The following CACNA2D3 variants were observed in gnomAD, a reference collection of about 807,000 sequenced individuals.
CACNA2D3 encodes calcium voltage-gated channel auxiliary subunit alpha2delta 3.
A neutral mutation model predicts 160.6 loss-of-function variants in CACNA2D3; 60 were observed. The ratio of observed to expected loss-of-function variants is 0.37; its 90% CI spans 0.30 to 0.46. The LOEUF is 0.46. CACNA2D3 is among the 20% of genes least tolerant of loss of function. CACNA2D3 has a pLI of 1.00. For synonymous variants in CACNA2D3, 558 were observed against 492.9 expected, an observed-to-expected ratio of 1.13 and a Z score of -1.75; for missense variants, 1,205 against 1,365.0, an observed-to-expected ratio of 0.88 and a Z score of 1.85.
At chr3:54,468,533 G>A (rs1013753739) in intron 4 of CACNA2D3, among the ~76,000 whole-genome samples, 7 of 152,202 alleles carry the variant, frequency 4.6e-5, no homozygotes, top group Non-Finnish European at 7.3e-5. Context: ...GCTAGCTGCA[G>A]TTTTTTTCAT....
chr3:54,859,847 C>G (rs1197725300), intron 17 of CACNA2D3, among the ~76,000 whole-genome samples: 1 of 152,130 alleles, frequency 6.6e-6, no homozygotes, highest in Non-Finnish European at 1.5e-5. Flanking sequence ...ATGACAGTTT[C>G]TTTCCTTTGA....
chr3:54,136,439 T>C (rs1197959071), intron 2 of CACNA2D3, among the ~76,000 whole-genome samples: 1 of 152,248 alleles, frequency 6.6e-6, no homozygotes, highest in Non-Finnish European at 1.5e-5. Flanking sequence ...TACATTTGCC[T>C]TTGTCTAAAT....
intron 35 of CACNA2D3, among the ~76,000 whole-genome samples, chr3:55,044,527 A>G (rs993135130): frequency 6.6e-6 from 1 of 152,102 alleles, no homozygotes; most frequent in African/African-American, 2.4e-5. Flanking sequence ...TAGACAGATT[A>G]TATCGTATGT....
intron 6 of CACNA2D3, among the ~76,000 whole-genome samples, 167 bp downstream of exon 6, chr3:54,563,098 A>T (rs1702353095): frequency 6.6e-6 from 1 of 152,188 alleles, no homozygotes; most frequent in Non-Finnish European, 1.5e-5. Flanking sequence ...GCAAGGTGGC[A>T]TCCAGATGGG....
intron 2 of CACNA2D3, chr3:54,177,838 T>TG (rs1221389016): frequency 6.6e-6 from 1 of 152,172 alleles, no homozygotes; most frequent in Non-Finnish European, 1.5e-5. Context: ...TTGCTGCCTT[T>TG]GTAGTTCATG....
At chr3:54,385,213 C>A (rs1699168047) in intron 3 of CACNA2D3, among the ~76,000 whole-genome samples, 2 of 152,124 alleles carry the variant, frequency 1.3e-5, no homozygotes, top group Non-Finnish European at 2.9e-5. Context: ...ACTTTTGATT[C>A]GGTGGGACTG....
chr3:54,377,686 T>C (rs2107554109), intron 3 of CACNA2D3, among the ~76,000 whole-genome samples: 1 of 152,356 alleles, frequency 6.6e-6, no homozygotes, highest in East Asian at 1.9e-4. Flanking sequence ...TAGGAAGACC[T>C]GGATTCAAAC....
chr3:54,810,836 A>G (rs533351740), intron 13 of CACNA2D3, among the ~76,000 whole-genome samples: 46 of 152,358 alleles, frequency 3.0e-4, no homozygotes, highest in African/African-American at 1.1e-3. Flanking sequence ...TGAGGTAGAA[A>G]TGAAGTGAAT....
intron 12 of CACNA2D3, 66 bp downstream of exon 12, chr3:54,752,743 C>A: frequency 8.9e-7 from 1 of 1,128,926 alleles, no homozygotes; most frequent in South Asian, 1.3e-5. Context: ...TAGGAATATT[C>A]ATGAGAAAGT....
intron 5 of CACNA2D3, among the ~76,000 whole-genome samples, chr3:54,550,622 G>A (rs1045403151): frequency 6.6e-6 from 1 of 152,216 alleles, no homozygotes; most frequent in African/African-American, 2.4e-5. Context: ...ATCAGTTTTA[G>A]TCTGCAAATC....
intron 3 of CACNA2D3, among the ~76,000 whole-genome samples, chr3:54,346,801 T>C (rs1698466492): frequency 6.6e-6 from 1 of 152,206 alleles, no homozygotes; most frequent in African/African-American, 2.4e-5. Flanking sequence ...TCATACAGAA[T>C]AGTTTGACTG....
chr3:55,028,501 G>A (rs549582222), intron 35 of CACNA2D3, among the ~76,000 whole-genome samples: 1 of 152,166 alleles, frequency 6.6e-6, no homozygotes, highest in Admixed American at 6.5e-5. Context: ...CAACAAGTTG[G>A]ACAAAATTGG....
intron 9 of CACNA2D3, among the ~76,000 whole-genome samples, chr3:54,622,802 A>G (rs998587097): frequency 1.3e-5 from 2 of 152,070 alleles, no homozygotes; most frequent in African/African-American, 4.8e-5. Flanking sequence ...GTACATGGTT[A>G]GGATTGATCA....
At chr3:54,501,586 A>ATT (rs752245060) in intron 4 of CACNA2D3, among the ~76,000 whole-genome samples, 1 of 143,574 alleles carries the variant, frequency 7.0e-6, no homozygotes, top group African/African-American at 2.5e-5. Flanking sequence ...TGCCTGACTA[A>ATT]TTTTTTTTTT....
At chr3:54,404,132 G>A (rs1331207786) in intron 4 of CACNA2D3, among the ~76,000 whole-genome samples, 1 of 152,130 alleles carries the variant, frequency 6.6e-6, no homozygotes, top group Non-Finnish European at 1.5e-5. Context: ...TTCCTAACAT[G>A]TTTTCTGAAG....
intron 27 of CACNA2D3, among the ~76,000 whole-genome samples, chr3:54,919,569 G>T (rs1700776432): frequency 6.6e-6 from 1 of 152,168 alleles, no homozygotes; most frequent in Admixed American, 6.5e-5. Flanking sequence ...TAAGGTGATT[G>T]ATATCCTCAG....
At chr3:54,833,472 C>T (rs1703922726) in intron 14 of CACNA2D3, among the ~76,000 whole-genome samples, 1 of 152,048 alleles carries the variant, frequency 6.6e-6, no homozygotes, top group South Asian at 2.1e-4. Context: ...GCACCCTTGC[C>T]TCAGTAGCAG....
At chr3:54,838,218 G>T (rs370393319) in intron 15 of CACNA2D3, among the ~76,000 whole-genome samples, 10 of 152,322 alleles carry the variant, frequency 6.6e-5, no homozygotes, top group African/African-American at 2.4e-4. Context: ...GCTTTCATAA[G>T]AGAAACTGGT....
At chr3:54,883,829 T>TCTCTCTCTCTCTCCCTCC (rs753661413) in intron 21 of CACNA2D3, among the ~76,000 whole-genome samples, 1 of 145,704 alleles carries the variant, frequency 6.9e-6, no homozygotes, top group African/African-American at 2.6e-5. Flanking sequence ...CTCTCCTCTC[T>TCTCTCTCTCTCTCCCTCC]CTCCCTTCAA....
Sources: gnomAD v4.1 joint callset for allele counts (sites outside exome capture counted in the v4.1 genomes callset) on GRCh38, gnomAD v4.1.1 for gene constraint, MANE v1.5 for transcripts, NCBI Gene and HGNC (gene_info 2026-07-23, HGNC 2026-07-21) for gene names.